Variants in CD3D observed in about 807,000 individuals in gnomAD.
The protein encoded by CD3D is T-cell surface glycoprotein CD3 delta chain.
CD3D carries 22 observed loss-of-function variants against 22.0 expected under a neutral mutation model. The ratio of observed to expected loss-of-function variants is 1.00; its 90% CI spans 0.71 to 1.43. The LOEUF is 1.43. Ranked by LOEUF, CD3D falls within the 40% of genes most tolerant of loss-of-function variation. The probability of loss-of-function intolerance (pLI) is 0.00; values close to 1 mark genes in which losing one functional copy is unlikely to be tolerated. For missense variants in CD3D, 205 were observed against 211.7 expected, an observed-to-expected ratio of 0.97 and a Z score of 0.20; for synonymous variants, 74 against 81.2, an observed-to-expected ratio of 0.91 and a Z score of 0.48.
intron 1 of CD3D, among the ~76,000 whole-genome samples, chr11:118,342,165 C>A (rs1372182377): frequency 1.3e-5 from 2 of 148,772 alleles, no homozygotes; most frequent in African/African-American, 4.9e-5. Context: ...GAAGCTAGCA[C>A]CGAGAAGCAC....
intron 1 of CD3D, 60 bp from the exon 2 acceptor site, chr11:118,340,653 T>A (rs1279048758): frequency 4.1e-6 from 5 of 1,226,732 alleles, no homozygotes; most frequent in African/African-American, 1.5e-5. Context: ...AAGCCCTTTG[T>A]TCTGCGGAAG....
At chr11:118,340,932 C>A (rs773000288) in intron 1 of CD3D, 10 of 545,676 alleles carry the variant, frequency 1.8e-5, no homozygotes, top group Non-Finnish European at 3.2e-5. Context: ...ACTGAAGCAC[C>A]TGGAAGATGT....
At position 118,340,722 on chromosome 11, in the gene CD3D, GA is replaced by G. The variant is rs1277135327; in HGVS notation, c.56-130del. On this transcript the variant is annotated intron_variant, in intron 1 of 4. Transcript: ENST00000300692. ...GGACAGTTTATGGCTTCCATCAAGA[GA>G]GACAGAAGTCACAAGAAAAAGCCTT... 4 of 747,006 alleles carry G rather than the reference GA, an allele frequency of 5.4e-6. No homozygotes were observed. The East Asian group carries it at 1.1e-4, about 20-fold the overall frequency. The allele number at this position is 747,006 out of a possible 1,614,324, so 46.3% of individuals were successfully genotyped here.
chr11:118,341,361 G>A (rs1417981398), intron 1 of CD3D, among the ~76,000 whole-genome samples: 2 of 152,194 alleles, frequency 1.3e-5, no homozygotes, highest in Non-Finnish European at 2.9e-5. Context: ...GATGCAGTGA[G>A]TTCCTCTGAC....
In CD3D at chr11:118,342,577, C is replaced by T; in HGVS notation, c.31G>A (p.Val11Ile). The change falls in exon 1 of 5, where the codon GTA becomes ATA. Residue 11 changes from valine (V) to isoleucine (I), a missense_variant. Transcript: ENST00000300692. MEHSTFLSGL[V>I]LATLLSQVSP... ...CCTTGCGAGAGAAGGGTAGCCAGTA[C>T]CAGGCCAGAGAGAAACGTGCTATGT... is the stretch of plus-strand genomic sequence containing the variant. 6.2e-7 allele frequency: 1 copy of T among 1,613,746 alleles called. No homozygotes were observed. Among genetic ancestry groups the T allele is most frequent in the Non-Finnish European group, 8.5e-7 (1 of 1,179,764 alleles).
chr11:118,339,245 A>G lies in CD3D; in HGVS notation c.451-18T>C. The G allele has an allele frequency of 2.5e-6, 4 of 1,611,208 alleles. No individual in the cohort carries two copies. Among genetic ancestry groups the G allele is most frequent in the Non-Finnish European group, 3.4e-6 (4 of 1,177,712 alleles). ...CGGAGGGGCTAAGAGAGGAGAAGAG[A>G]AAACGGTCAGGAGGCAGGGTTAGAA... On this transcript the variant is annotated intron_variant, in intron 4 of 4. Transcript: ENST00000300692.
chr11:118,340,023 C>A, intron 2 of CD3D, 117 bp from the exon 3 acceptor site: 1 of 1,253,538 alleles, frequency 8.0e-7, no homozygotes, highest in South Asian at 1.2e-5. Flanking sequence ...TTCAATAAGA[C>A]CCTGGGAGAA....
At chr11:118,339,603 C>G in intron 3 of CD3D, 109 bp from the exon 4 acceptor site, 1 of 1,569,924 alleles carries the variant, frequency 6.4e-7, no homozygotes, top group Non-Finnish European at 8.7e-7. Flanking sequence ...CAAGTTCTTT[C>G]AACAGTCAAA....
intron 4 of CD3D, 67 bp from the exon 5 acceptor site, chr11:118,339,294 G>A: frequency 6.5e-7 from 1 of 1,540,068 alleles, no homozygotes; most frequent in Non-Finnish European, 9.0e-7. Context: ...GGCCCCAGCA[G>A]GCCCTGACGA....
chr11:118,340,336 C>T, intron 2 of CD3D, 39 bp downstream of exon 2: 1 of 1,495,514 alleles, frequency 6.7e-7, no homozygotes, highest in Non-Finnish European at 9.3e-7. Context: ...ATCCAGAAGC[C>T]CTATCCATTC....
At chr11:118,341,906 C>G (rs1948303009) in intron 1 of CD3D, among the ~76,000 whole-genome samples, 1 of 152,196 alleles carries the variant, frequency 6.6e-6, no homozygotes, top group African/African-American at 2.4e-5. Context: ...AAACAAGAGT[C>G]CTGATTCCAG....
At position 118,340,508 on chromosome 11, in the gene CD3D, C is replaced by T. The variant is rs201021372; in HGVS notation, c.141G>A (p.Thr47=). Reference sequence around the variant, plus strand: ...TAATGTCTGAGAGCAGTGTTCCCACCGTTCCCTCTACCCATGTGATGCTGG... The same window carrying T: ...TAATGTCTGAGAGCAGTGTTCCCACTGTTCCCTCTACCCATGTGATGCTGG... The part of the protein sequence containing the change: ...CNTSITWVEG[T]VGTLLSDITR... The change falls in exon 2 of 5, where the codon ACG becomes ACA. Residue 47 remains threonine (T), a synonymous_variant. Transcript: ENST00000300692. The T allele has an allele frequency of 1.8e-5, 29 of 1,613,902 alleles. No homozygotes were observed. The highest frequency in any genetic ancestry group is 2.2e-5 in the South Asian group (2 of 91,086).
rs1315237463 is a variant in CD3D at position 118,339,800 on chromosome 11, T to G, written c.381A>C (p.Gly127=). 2 of 1,613,438 alleles carry G rather than the reference T, an allele frequency of 1.2e-6. No individual in the cohort carries two copies. The highest frequency in any genetic ancestry group is 3.3e-5 in the Admixed American group (2 of 59,918). Residue 127 remains glycine (G), a synonymous_variant, in exon 3 of 5, where the codon GGA becomes GGC. Transcript: ENST00000300692. ...LLALGVFCFA[G]HETGRLSGAA... is the part of the protein sequence containing the mutation. ...CCCCAGACAGCCTTCCAGTCTCATG[T>G]CCAGCAAAGCAGAAGACTCCCAAAG... is the stretch of plus-strand genomic sequence containing the variant.
chr11:118,342,590 A>AG lies in CD3D; in HGVS notation c.17_18insC (p.Leu7SerfsTer24). ...GGGTAGCCAGTACCAGGCCAGAGAG[A>AG]AACGTGCTATGTTCCATCTCCCAGC... On this transcript the variant is annotated frameshift_variant, in exon 1 of 5. Transcript: ENST00000300692. LOFTEE classifies it high-confidence loss of function. The AG allele has an allele frequency of 6.2e-7, 1 of 1,613,784 alleles. No homozygotes were observed. The highest frequency in any genetic ancestry group is 8.5e-7 in the Non-Finnish European group (1 of 1,179,772).
At chr11:118,339,285 G>T in intron 4 of CD3D, 58 bp from the exon 5 acceptor site, 1 of 1,545,438 alleles carries the variant, frequency 6.5e-7, no homozygotes, top group Non-Finnish European at 8.9e-7. Context: ...TCAAGGAAGG[G>T]CCCCAGCAGG....
At chr11:118,341,742 A>G (rs149712206) in intron 1 of CD3D, among the ~76,000 whole-genome samples, 114 of 152,276 alleles carry the variant, frequency 7.5e-4, no homozygotes, top group African/African-American at 2.7e-3. Flanking sequence ...CCATTTTAAA[A>G]CTGAAATTGG....
chr11:118,340,943 G>A (rs1274681769), intron 1 of CD3D: 4 of 529,150 alleles, frequency 7.6e-6, no homozygotes, highest in Non-Finnish European at 1.5e-5. Context: ...TGGAAGATGT[G>A]GAAAGACAGA....
Position 118,339,629 on chromosome 11 carries a change from AG to A in CD3D, c.407-136del, listed in dbSNP as rs1434792192. ...AACAGTCAAAGTTCTAGGAGTCTTT[AG>A]GAGATTGCAAGAGTAACTCCCAGCT... On this transcript the variant is annotated intron_variant, in intron 3 of 4. Transcript: ENST00000300692. 5 of 1,550,104 alleles carry A rather than the reference AG, an allele frequency of 3.2e-6. No homozygotes were observed. In the Admixed American group the frequency reaches 5.5e-5, roughly 17 times the overall value.
At chr11:118,341,219 G>T (rs117930635) in intron 1 of CD3D, among the ~76,000 whole-genome samples, 28 of 152,284 alleles carry the variant, frequency 1.8e-4, no homozygotes, top group Non-Finnish European at 3.2e-4. Context: ...CAAATCCCAT[G>T]TACAGTTTTC....
Sources: allele counts gnomAD v4.1 joint callset (sites outside exome capture counted in the v4.1 genomes callset), GRCh38; gene constraint gnomAD v4.1.1; transcripts MANE v1.5; gene names NCBI Gene and HGNC (gene_info 2026-07-23, HGNC 2026-07-21).